Variants in CAPRIN1 observed in about 807,000 individuals in gnomAD.
CAPRIN1 encodes cell cycle associated protein 1.
Under a neutral mutation model 100.9 loss-of-function variants are expected in CAPRIN1, and 29 were observed. The ratio of observed to expected loss-of-function variants is 0.29; its 90% confidence interval spans 0.21 to 0.39. The LOEUF is 0.39. CAPRIN1 is among the 10% of genes least tolerant of loss of function. CAPRIN1 has a pLI of 1.00. For synonymous variants in CAPRIN1, 338 were observed against 307.5 expected (o/e 1.10, Z -1.04); for missense variants, 795 against 876.7 (o/e 0.91, Z 1.18).
intron 15 of CAPRIN1, among the ~76,000 whole-genome samples, chr11:34,093,936 A>C (rs1036104632): frequency 6.7e-6 from 1 of 148,708 alleles, no homozygotes; most frequent in Non-Finnish European, 1.5e-5. Flanking sequence ...ACTTTCTCCC[A>C]CTGATAAGTA....
chr11:34,056,911 G>T (rs1182744932), intron 2 of CAPRIN1, among the ~76,000 whole-genome samples: 1 of 152,194 alleles, frequency 6.6e-6, no homozygotes, highest in Non-Finnish European at 1.5e-5. Flanking sequence ...CAGAAGTGTA[G>T]TGTTTTTAAT....
At chr11:34,069,299 G>A (rs554245403) in intron 2 of CAPRIN1, among the ~76,000 whole-genome samples, 6 of 151,720 alleles carry the variant, frequency 4.0e-5, no homozygotes, top group Middle Eastern at 3.4e-3. Context: ...ACAAGTGCGC[G>A]CCACCATGCC....
At chr11:34,096,297 T>A (rs779401413) in intron 15 of CAPRIN1, 182 bp from the exon 16 acceptor site, 2 of 509,014 alleles carry the variant, frequency 3.9e-6, no homozygotes, top group Non-Finnish European at 6.9e-6. Flanking sequence ...AATAGCTGAG[T>A]CTAAGGGTAG....
rs946736270 is a variant in CAPRIN1 at position 34,100,127 on chromosome 11, A to G, written c.*760A>G. On this transcript the variant is annotated 3_prime_UTR_variant, in exon 19 of 19. Transcript: ENST00000341394. ...TGTACTTAATGTGAAATATTTAGAT[A>G]CCTTTTTGAACACTTAACAGTTTCT... is the stretch of plus-strand genomic sequence containing the variant. 2 of 152,548 alleles carry G rather than the reference A, an allele frequency of 1.3e-5. No individual in the cohort carries two copies. The highest frequency in any genetic ancestry group is 4.8e-5 in the African/African-American group (2 of 41,450). 9.4% of individuals were successfully genotyped at this position (152,548 alleles called of 1,614,324 possible). A position where few individuals can be genotyped will look rare whatever the true frequency, so the allele number is the denominator to read the frequency against.
chr11:34,092,105 T>TA, intron 15 of CAPRIN1, 49 bp downstream of exon 15: 1 of 1,591,288 alleles, frequency 6.3e-7, no homozygotes, highest in South Asian at 1.1e-5. Context: ...CCAGCACAGT[T>TA]ATTGACAGTG....
At chr11:34,066,379 G>A (rs571707560) in intron 2 of CAPRIN1, among the ~76,000 whole-genome samples, 8 of 151,936 alleles carry the variant, frequency 5.3e-5, no homozygotes, top group Non-Finnish European at 1.0e-4. Context: ...TGTCACCCAG[G>A]CTGGAGTGCA....
chr11:34,089,769 T>G (rs994046234), intron 12 of CAPRIN1, among the ~76,000 whole-genome samples: 6 of 152,102 alleles, frequency 3.9e-5, no homozygotes, highest in African/African-American at 1.4e-4. Context: ...ATTTTTATGT[T>G]TAGGTTCATT....
At chr11:34,061,441 C>T (rs2134089363) in intron 2 of CAPRIN1, among the ~76,000 whole-genome samples, 1 of 152,030 alleles carries the variant, frequency 6.6e-6, no homozygotes, top group South Asian at 2.1e-4. Context: ...CTCCTGACCT[C>T]AGGAGATTCG....
chr11:34,072,496 T>C (rs1850822249), intron 4 of CAPRIN1, among the ~76,000 whole-genome samples: 1 of 152,226 alleles, frequency 6.6e-6, no homozygotes, highest in Non-Finnish European at 1.5e-5. Context: ...TCATGTTCCT[T>C]ATGTCTAATG....
At position 34,092,179 on chromosome 11, in the gene CAPRIN1, T is replaced by C. The variant is rs557160580; in HGVS notation, c.1705+123T>C. 1.5e-3 allele frequency: 1,297 copies of C among 847,424 alleles called. 4 individuals carry two copies. Among genetic ancestry groups the C allele is most frequent in the Non-Finnish European group, 1.9e-3 (1,106 of 579,182 alleles). The allele number at this position is 847,424 out of a possible 1,614,324, so 52.5% of individuals were successfully genotyped here. On this transcript the variant is annotated intron_variant, in intron 15 of 18. Coordinates refer to ENST00000341394, the MANE Select transcript of CAPRIN1 (RefSeq NM_005898.5). ...GTTTCTGTTTTAGTAGCAGACCATA[T>C]GAATTTTTCATTTCAGATCATGAGT...
chr11:34,054,907 A>G (rs1313566981), intron 2 of CAPRIN1, among the ~76,000 whole-genome samples: 1 of 152,332 alleles, frequency 6.6e-6, no homozygotes, highest in East Asian at 1.9e-4. Context: ...AGTGATATAA[A>G]GTGTAGAGAC....
chr11:34,093,912 C>A (rs181744546), intron 15 of CAPRIN1, among the ~76,000 whole-genome samples: 1 of 143,708 alleles, frequency 7.0e-6, no homozygotes, highest in Non-Finnish European at 1.5e-5. Context: ...TACTTACTTT[C>A]CTTCTTGCCG....
intron 7 of CAPRIN1, 139 bp downstream of exon 7, chr11:34,079,904 AGTTTTTTTTTTTTTT>A: frequency 1.6e-4 from 78 of 496,714 alleles, no homozygotes; most frequent in Non-Finnish European, 1.9e-4. Context: ...AGCATGACAA[AGTTTTTTTTTTTTTT>A]TTTTTTTTTT....
At chr11:34,053,181 T>C in intron 2 of CAPRIN1, 1 of 985,636 alleles carries the variant, frequency 1.0e-6, no homozygotes, top group Non-Finnish European at 1.2e-6. Flanking sequence ...GTTTAGAATC[T>C]TAAGGTAGAA....
chr11:34,072,890 A>G (rs1850829891), intron 4 of CAPRIN1, among the ~76,000 whole-genome samples: 1 of 152,210 alleles, frequency 6.6e-6, no homozygotes, highest in African/African-American at 2.4e-5. Flanking sequence ...GTGTTTCGAT[A>G]TATAAATACC....
intron 2 of CAPRIN1, among the ~76,000 whole-genome samples, chr11:34,064,674 T>C (rs1276206242): frequency 6.6e-6 from 1 of 152,238 alleles, no homozygotes; most frequent in Non-Finnish European, 1.5e-5. Flanking sequence ...TTAGTTTAAC[T>C]TCTGAGGTGT....
intron 2 of CAPRIN1, chr11:34,053,634 G>A (rs946982144): frequency 6.6e-6 from 1 of 150,536 alleles, no homozygotes; most frequent in Non-Finnish European, 1.5e-5. Context: ...ACGATTTTTT[G>A]GATTCAATAT....
At chr11:34,076,215 T>C (rs770857389) in intron 4 of CAPRIN1, 21 bp from the exon 5 acceptor site, 28 of 1,576,278 alleles carry the variant, frequency 1.8e-5, no homozygotes, top group Non-Finnish European at 2.0e-5. Context: ...TTTGGTGTTT[T>C]ACTTTTATAT....
At chr11:34,066,594 AGTGCTGGAATT>A (rs1850700206) in intron 2 of CAPRIN1, among the ~76,000 whole-genome samples, 1 of 150,900 alleles carries the variant, frequency 6.6e-6, no homozygotes, top group African/African-American at 2.4e-5. Flanking sequence ...AGCCTCCCGA[AGTGCTGGAATT>A]ACAGGCGTGA....
Sources: allele counts gnomAD v4.1 joint callset (sites outside exome capture counted in the v4.1 genomes callset), GRCh38; gene constraint gnomAD v4.1.1; transcripts MANE v1.5; gene names NCBI Gene and HGNC (gene_info 2026-07-23, HGNC 2026-07-21).